IMMP2L: variants seen among roughly 807,000 people sequenced by gnomAD.
The protein encoded by IMMP2L is mitochondrial inner membrane protease subunit 2.
Under a neutral mutation model 19.3 loss-of-function variants are expected in IMMP2L, and 18 were observed. The observed-to-expected ratio is 0.93, with a 90% CI of 0.64 to 1.38. The LOEUF (loss-of-function observed/expected upper bound fraction) is 1.38. Ranked by LOEUF, IMMP2L falls within the 40% of genes most tolerant of loss-of-function variation. The pLI is 0.00. For missense variants in IMMP2L, 233 were observed against 218.2 expected (o/e 1.07, Z -0.43); for synonymous variants, 76 against 73.0 (o/e 1.04, Z -0.21).
chr7:110,836,558 C>A (rs906593385), intron 5 of IMMP2L, among the ~76,000 whole-genome samples: 2 of 152,128 alleles, frequency 1.3e-5, no homozygotes, highest in African/African-American at 2.4e-5. Context: ...GAGGCCTCCC[C>A]AGCCACATGG....
chr7:111,184,918 A>G (rs1808103534), intron 3 of IMMP2L, among the ~76,000 whole-genome samples: 1 of 152,308 alleles, frequency 6.6e-6, no homozygotes, highest in African/African-American at 2.4e-5. Flanking sequence ...GTTAGTAAGT[A>G]TAAAAAAGTT....
At chr7:111,496,664 C>T (rs923840768) in intron 2 of IMMP2L, among the ~76,000 whole-genome samples, 11 of 152,174 alleles carry the variant, frequency 7.2e-5, no homozygotes, top group Admixed American at 4.6e-4. Context: ...TCTTAGAACT[C>T]CAGGTCCTCT....
intron 5 of IMMP2L, among the ~76,000 whole-genome samples, chr7:110,763,985 T>C (rs181250225): frequency 6.6e-6 from 1 of 152,258 alleles, no homozygotes; most frequent in Non-Finnish European, 1.5e-5. Flanking sequence ...TGCTAAATTA[T>C]TACACTCTCT....
intron 3 of IMMP2L, among the ~76,000 whole-genome samples, chr7:111,433,367 A>C (rs972082065): frequency 4.6e-5 from 7 of 151,876 alleles, no homozygotes; most frequent in African/African-American, 7.3e-5. Context: ...TGGCTGGGGA[A>C]GCCTCACAAT....
intron 3 of IMMP2L, among the ~76,000 whole-genome samples, chr7:111,266,346 C>T (rs1461398381): frequency 6.6e-6 from 1 of 151,876 alleles, no homozygotes. Context: ...AGTTGAAGAC[C>T]AGCCTGGCCA....
chr7:111,300,153 C>T (rs1822066666), intron 3 of IMMP2L, among the ~76,000 whole-genome samples: 1 of 152,142 alleles, frequency 6.6e-6, no homozygotes, highest in African/African-American at 2.4e-5. Flanking sequence ...ATGCCTGTAA[C>T]AAGTATCACA....
intron 3 of IMMP2L, chr7:111,124,349 A>G (rs1314510056): frequency 6.2e-7 from 1 of 1,613,610 alleles, no homozygotes; most frequent in African/African-American, 1.3e-5. Flanking sequence ...GGCTCTTTGA[A>G]TATTAAAATA....
chr7:111,030,884 GTATATATATATATA>G (rs57774530), intron 3 of IMMP2L, among the ~76,000 whole-genome samples: 1,294 of 127,062 alleles, frequency 0.01, 26 homozygotes, highest in African/African-American at 0.035. Flanking sequence ...GTGTGTGTGT[GTATATATATATATA>G]TATATATATA....
intron 4 of IMMP2L, among the ~76,000 whole-genome samples, chr7:110,901,078 T>G (rs1369207603): frequency 6.6e-6 from 1 of 152,068 alleles, no homozygotes; most frequent in Non-Finnish European, 1.5e-5. Context: ...TATTCCTATT[T>G]AAATATCTTC....
At chr7:111,058,527 C>T (rs925884282) in intron 3 of IMMP2L, among the ~76,000 whole-genome samples, 2 of 152,258 alleles carry the variant, frequency 1.3e-5, no homozygotes, top group South Asian at 2.1e-4. Flanking sequence ...TTAAAGAGAA[C>T]AGGGTTCCTT....
intron 3 of IMMP2L, among the ~76,000 whole-genome samples, chr7:111,272,795 T>C (rs531810961): frequency 3.9e-5 from 6 of 152,218 alleles, no homozygotes; most frequent in African/African-American, 7.2e-5. Flanking sequence ...AGGACCAAAA[T>C]TGGCAATTGG....
At chr7:111,243,305 G>C (rs1429230537) in intron 3 of IMMP2L, among the ~76,000 whole-genome samples, 3 of 151,884 alleles carry the variant, frequency 2.0e-5, no homozygotes, top group Non-Finnish European at 2.9e-5. Context: ...TAAAACTCTT[G>C]TAGAATTAAA....
chr7:111,088,125 A>C (rs10267396), intron 3 of IMMP2L, among the ~76,000 whole-genome samples: 4,612 of 152,166 alleles, frequency 0.03, 236 homozygotes, highest in African/African-American at 0.11. Flanking sequence ...TTCTAAGAAA[A>C]GCACACAGGC....
At chr7:111,537,851 C>T (rs572764159) in intron 1 of IMMP2L, among the ~76,000 whole-genome samples, 2 of 151,910 alleles carry the variant, frequency 1.3e-5, no homozygotes, top group African/African-American at 2.4e-5. Context: ...TTTCACAGCA[C>T]ATCATGCTTC....
chr7:111,259,070 G>GACACAATAAGT (rs1562976516), intron 3 of IMMP2L, among the ~76,000 whole-genome samples: 1 of 152,014 alleles, frequency 6.6e-6, no homozygotes, highest in African/African-American at 2.4e-5. Flanking sequence ...AAGCAACTGT[G>GACACAATAAGT]ACACAATAAG....
chr7:110,930,765 C>T (rs1271300659), intron 4 of IMMP2L, among the ~76,000 whole-genome samples: 1 of 152,166 alleles, frequency 6.6e-6, no homozygotes, highest in Non-Finnish European at 1.5e-5. Context: ...AAACTTAGCC[C>T]TGTGGTTTCC....
At position 111,469,949 on chromosome 7, in the gene IMMP2L, G is replaced by A. The variant is rs891110809; in HGVS notation, c.239+17289C>T. ...AGAGTCAACAGGCAACCTACAAAAT[G>A]GGAGAAAATTTTCGCAAGCTACTCA... is the stretch of plus-strand genomic sequence containing the variant. On this transcript the variant is annotated intron_variant, in intron 3 of 5. Transcript: ENST00000405709. Among the ~76,000 whole-genome samples, 23 of 152,158 alleles carry A rather than the reference G, an allele frequency of 1.5e-4. 1 individual carries two copies. The highest frequency in any genetic ancestry group is 5.1e-4 in the African/African-American group (21 of 41,524).
chr7:110,882,175 T>C (rs541832877), intron 5 of IMMP2L, among the ~76,000 whole-genome samples: 28 of 152,108 alleles, frequency 1.8e-4, no homozygotes, highest in Admixed American at 4.6e-4. Flanking sequence ...TTCAGAAGGC[T>C]CACAGGTTCA....
intron 3 of IMMP2L, among the ~76,000 whole-genome samples, chr7:111,221,935 C>G (rs774508472): frequency 3.3e-5 from 5 of 151,966 alleles, no homozygotes; most frequent in Non-Finnish European, 7.4e-5. Context: ...AGAAACAGAT[C>G]CATGCCAGCA....
Sources: allele counts gnomAD v4.1 joint callset (sites outside exome capture counted in the v4.1 genomes callset), GRCh38; gene constraint gnomAD v4.1.1; transcripts MANE v1.5; gene names NCBI Gene and HGNC (gene_info 2026-07-23, HGNC 2026-07-21).